Variants in ADAMTSL1 observed in about 807,000 individuals in gnomAD.
The protein encoded by ADAMTSL1 is ADAMTS-like protein 1.
Under a neutral mutation model 201.8 loss-of-function variants are expected in ADAMTSL1, and 126 were observed. The observed-to-expected ratio is 0.62, with a 90% CI of 0.54 to 0.72. The LOEUF (loss-of-function observed/expected upper bound fraction) is 0.72. ADAMTSL1 is among the 30% of genes least tolerant of loss of function. ADAMTSL1 has a pLI of 0.00. For missense variants in ADAMTSL1, 2,679 were observed against 2,277.8 expected, an observed-to-expected ratio of 1.18 and a Z score of -3.59; for synonymous variants, 1,121 against 903.4, an observed-to-expected ratio of 1.24 and a Z score of -4.32.
chr9:18,658,187 G>T (rs1382475770), intron 8 of ADAMTSL1, among the ~76,000 whole-genome samples: 1 of 152,254 alleles, frequency 6.6e-6, no homozygotes, highest in African/African-American at 2.4e-5. Flanking sequence ...TGTTAGCCAG[G>T]ATAGTCTCGA....
chr9:18,671,666 C>G (rs768087861), intron 9 of ADAMTSL1, among the ~76,000 whole-genome samples: 7 of 152,078 alleles, frequency 4.6e-5, no homozygotes, highest in Non-Finnish European at 8.8e-5. Context: ...ATTTGCAGTT[C>G]CAGAGAAGAA....
At chr9:18,481,064 C>G (rs574163417) in intron 1 of ADAMTSL1, among the ~76,000 whole-genome samples, 1 of 152,306 alleles carries the variant, frequency 6.6e-6, no homozygotes, top group South Asian at 2.1e-4. Context: ...AACACTGAAA[C>G]TGCTCCAAGG....
At chr9:18,190,018 C>T (rs1828905790) in intron 2 of ADAMTSL1, among the ~76,000 whole-genome samples, 1 of 152,130 alleles carries the variant, frequency 6.6e-6, no homozygotes, top group Non-Finnish European at 1.5e-5. Context: ...CTATCTAGAA[C>T]AAGAATGAGC....
intron 1 of ADAMTSL1, among the ~76,000 whole-genome samples, chr9:18,486,261 T>A (rs753754841): frequency 6.6e-6 from 1 of 152,240 alleles, no homozygotes; most frequent in Admixed American, 6.5e-5. Flanking sequence ...ACAACCAATG[T>A]ATCTGTATCC....
Position 18,753,466 on chromosome 9 carries a change from C to A in ADAMTSL1, c.2175C>A (p.Arg725=). The A allele has an allele frequency of 1.2e-6, 2 of 1,613,404 alleles. No homozygotes were observed. Among genetic ancestry groups the A allele is most frequent in the Non-Finnish European group, 1.7e-6 (2 of 1,179,772 alleles). Residue 725 remains arginine, a synonymous_variant, in exon 16 of 29, where the codon CGC becomes CGA. Coordinates refer to ENST00000380548, the MANE Select transcript of ADAMTSL1 (RefSeq NM_001040272.6). The part of the protein sequence containing the change: ...PKPSTVQACN[R]FNCPPAWYPA... Reference sequence around the variant, plus strand: ...CCAGCACGGTGCAAGCTTGTAACCGCTTTAATTGCCCCCCAGCCTGGTACC... The same window carrying A: ...CCAGCACGGTGCAAGCTTGTAACCGATTTAATTGCCCCCCAGCCTGGTACC...
chr9:18,059,623 T>C (rs1822359370), intron 1 of ADAMTSL1, among the ~76,000 whole-genome samples: 1 of 152,176 alleles, frequency 6.6e-6, no homozygotes, highest in Non-Finnish European at 1.5e-5. Context: ...TGTACACACA[T>C]ACCACTAGGT....
intron 2 of ADAMTSL1, among the ~76,000 whole-genome samples, chr9:18,282,812 G>A (rs371057767): frequency 1.9e-3 from 293 of 152,244 alleles, no homozygotes; most frequent in African/African-American, 6.5e-3. Context: ...CAGGAGAATC[G>A]CTTGAACCCG....
intron 2 of ADAMTSL1, among the ~76,000 whole-genome samples, chr9:18,185,404 C>T (rs1224783236): frequency 6.6e-6 from 1 of 152,110 alleles, no homozygotes; most frequent in Non-Finnish European, 1.5e-5. Context: ...CAGAGGAGAA[C>T]CCAGCCCTTT....
intron 13 of ADAMTSL1, among the ~76,000 whole-genome samples, chr9:18,685,355 C>G (rs1260587453): frequency 6.6e-6 from 1 of 152,108 alleles, no homozygotes; most frequent in Non-Finnish European, 1.5e-5. Flanking sequence ...AACCGTGAGG[C>G]CCAGATTTGC....
In ADAMTSL1 at chr9:18,191,612, G is replaced by C. The variant is rs114222155; in HGVS notation, c.207+27631G>C. Among the ~76,000 whole-genome samples, 233 of 152,304 alleles carry C rather than the reference G, an allele frequency of 1.5e-3. 1 individual carries two copies. The highest frequency in any genetic ancestry group is 5.3e-3 in the African/African-American group (219 of 41,572). ...TCCTTAAAGGCTCTGGCCTTGGCAA[G>C]AAGACTTCTTCCCTGAATCTAATTA... On this transcript the variant is annotated intron_variant, in intron 2 of 29. Coordinates refer to the ADAMTSL1 transcript ENST00000680146.
intron 24 of ADAMTSL1, among the ~76,000 whole-genome samples, 171 bp from the exon 25 acceptor site, chr9:18,889,397 A>G (rs1442961281): frequency 2.0e-5 from 3 of 152,146 alleles, no homozygotes; most frequent in African/African-American, 2.4e-5. Flanking sequence ...GACTTCCCCA[A>G]ATAGTTCGGG....
At chr9:18,854,624 G>T (rs1046679747) in intron 23 of ADAMTSL1, among the ~76,000 whole-genome samples, 6 of 152,162 alleles carry the variant, frequency 3.9e-5, no homozygotes, top group Non-Finnish European at 7.3e-5. Flanking sequence ...CGGTAGCAGA[G>T]GCAAGGTGCA....
chr9:18,485,940 A>G (rs938804799), intron 1 of ADAMTSL1, among the ~76,000 whole-genome samples: 2 of 152,238 alleles, frequency 1.3e-5, no homozygotes, highest in Non-Finnish European at 2.9e-5. Flanking sequence ...CAGCAGCAGT[A>G]GTGATGACAA....
At chr9:18,888,078 G>A (rs1160288990) in intron 24 of ADAMTSL1, 35 bp downstream of exon 24, 2 of 1,588,808 alleles carry the variant, frequency 1.3e-6, no homozygotes, top group East Asian at 2.2e-5. Flanking sequence ...TACTGGACTT[G>A]AACAAGAAAG....
rs1459418822 is a variant in ADAMTSL1 at position 18,892,515 on chromosome 9, C to A, written c.4770C>A (p.Thr1590=). The A allele has an allele frequency of 1.2e-6, 2 of 1,600,416 alleles. No individual in the cohort carries two copies. The highest frequency in any genetic ancestry group is 1.7e-5 in the Admixed American group (1 of 57,990). The change falls in exon 26 of 29, where the codon ACC becomes ACA. Residue 1590 remains threonine, a synonymous_variant. Transcript: ENST00000380548. ...CCCCTGTGTCCAATGACATGTGCAC[C>A]CAGGTCGCCAAGCGGCCTGTGGACA... ...ISTPVSNDMC[T]QVAKRPVDTQ...
rs544136631 is a variant in ADAMTSL1 at position 18,414,449 on chromosome 9, G to C, written c.208-90380G>C. ...ATAGTTTCCACTTCTGGACAAGATG[G>C]AGTAACAGAGACCAATTTACACTCA... On this transcript the variant is annotated intron_variant, in intron 2 of 29. Transcript: ENST00000680146. Among the ~76,000 whole-genome samples, 11 of 152,092 alleles carry C rather than the reference G, an allele frequency of 7.2e-5. No homozygotes were observed. In the East Asian group the frequency reaches 1.7e-3, roughly 24 times the overall value.
At chr9:17,970,161 C>G (rs572050719) in intron 1 of ADAMTSL1, among the ~76,000 whole-genome samples, 37 of 152,066 alleles carry the variant, frequency 2.4e-4, no homozygotes, top group Admixed American at 2.1e-3. Flanking sequence ...TCTAGACCAT[C>G]AGTATTTCTT....
chr9:17,957,782 G>A (rs1179862109), intron 1 of ADAMTSL1, among the ~76,000 whole-genome samples: 1 of 152,164 alleles, frequency 6.6e-6, no homozygotes, highest in Non-Finnish European at 1.5e-5. Flanking sequence ...AAGGCTGTGT[G>A]AAAATGGAGG....
At chr9:18,010,766 C>G (rs370199484) in intron 1 of ADAMTSL1, among the ~76,000 whole-genome samples, 1 of 151,902 alleles carries the variant, frequency 6.6e-6, no homozygotes, top group Non-Finnish European at 1.5e-5. Context: ...GGGTATTCTG[C>G]GCAATTACCA....
Sources: gnomAD v4.1 joint callset for allele counts (sites outside exome capture counted in the v4.1 genomes callset) on GRCh38, gnomAD v4.1.1 for gene constraint, MANE v1.5 for transcripts, NCBI Gene and HGNC (gene_info 2026-07-23, HGNC 2026-07-21) for gene names.